MPDZ: variants seen among roughly 807,000 people sequenced by gnomAD.
MPDZ encodes the protein multiple PDZ domain protein.
A neutral mutation model predicts 239.1 loss-of-function variants in MPDZ; 234 were observed. The ratio of observed to expected loss-of-function variants is 0.98; its 90% CI spans 0.88 to 1.09. The LOEUF (loss-of-function observed/expected upper bound fraction) is 1.09, where lower values mean the gene tolerates loss of function less well. Ranked by LOEUF, MPDZ falls within the 50% of genes least tolerant of loss-of-function variation. The pLI, the probability that MPDZ is intolerant of heterozygous loss-of-function variation, is 0.00. For missense variants in MPDZ, 3,175 were observed against 2,510.0 expected, an observed-to-expected ratio of 1.26 and a Z score of -5.66; for synonymous variants, 1,048 against 881.3, an observed-to-expected ratio of 1.19 and a Z score of -3.35.
rs1010984937 is a variant in MPDZ, at chr9:13,159,218, A to G, written c.3360-1108T>C. The stretch of plus-strand genomic sequence containing the variant: ...GGCAAGCAAATGTCCAGGCTCTCCA[A>G]GAACATCTCATTCTTTCTTGGACCT... On this transcript the variant is annotated intron_variant, in intron 23 of 46. Transcript: ENST00000319217. 2.0e-5 allele frequency among the ~76,000 whole-genome samples: 3 copies of G among 152,302 alleles called. No homozygotes were observed. The South Asian group carries it at 6.2e-4, about 32-fold the overall frequency.
chr9:13,242,743 A>G (rs1965726414), intron 3 of MPDZ, among the ~76,000 whole-genome samples: 1 of 152,188 alleles, frequency 6.6e-6, no homozygotes, highest in Non-Finnish European at 1.5e-5. Flanking sequence ...CTGCTCTGAT[A>G]ATATAGGTCT....
At chr9:13,139,490 A>G (rs1243671539) in intron 28 of MPDZ, among the ~76,000 whole-genome samples, 2 of 152,212 alleles carry the variant, frequency 1.3e-5, no homozygotes, top group Admixed American at 1.3e-4. Context: ...CATTTTAAAA[A>G]GAGAGATAAC....
intron 19 of MPDZ, among the ~76,000 whole-genome samples, chr9:13,182,504 T>C (rs1377367232): frequency 1.3e-5 from 2 of 152,076 alleles, no homozygotes; most frequent in South Asian, 2.1e-4. Context: ...TACACACATG[T>C]ACATAGATAT....
chr9:13,108,822 G>A, intron 46 of MPDZ, 114 bp downstream of exon 46: 1 of 1,032,646 alleles, frequency 9.7e-7, no homozygotes, highest in Non-Finnish European at 1.3e-6. Flanking sequence ...GAAAAGAAAT[G>A]ATCAACTGTT....
At chr9:13,232,678 A>T (rs1357724823) in intron 3 of MPDZ, among the ~76,000 whole-genome samples, 1 of 151,856 alleles carries the variant, frequency 6.6e-6, no homozygotes, top group Non-Finnish European at 1.5e-5. Context: ...TAAAATTTAA[A>T]ATTTGTTTTT....
At chr9:13,221,594 T>C in intron 6 of MPDZ, 94 bp from the exon 7 acceptor site, 1 of 1,277,630 alleles carries the variant, frequency 7.8e-7, no homozygotes. Context: ...TTTGTTAATA[T>C]TAAATAATTA....
chr9:13,259,487 A>C lies in MPDZ; in HGVS notation c.-57-9115T>G, dbSNP rs968125226. On this transcript the variant is annotated intron_variant, in intron 1 of 46. Coordinates refer to ENST00000319217, the MANE Select transcript of MPDZ (RefSeq NM_001378778.1). The stretch of plus-strand genomic sequence containing the variant: ...GCAGCATTGGAGAAATGATGATACA[A>C]CCTGGGAACTCACGTACAAGTGAAT... 4.6e-5 allele frequency among the ~76,000 whole-genome samples: 7 copies of C among 152,220 alleles called. 1 individual carries two copies. Among genetic ancestry groups the C allele is most frequent in the Non-Finnish European group, 1.0e-4 (7 of 68,036 alleles).
intron 45 of MPDZ, among the ~76,000 whole-genome samples, chr9:13,109,681 T>G (rs1282628292): frequency 5.3e-5 from 8 of 152,162 alleles, no homozygotes; most frequent in African/African-American, 1.9e-4. Flanking sequence ...TAAAATGTCC[T>G]CCGCCCCAAA....
At chr9:13,221,623 A>G in intron 6 of MPDZ, 123 bp from the exon 7 acceptor site, 1 of 974,522 alleles carries the variant, frequency 1.0e-6, no homozygotes. Flanking sequence ...CATAATAATG[A>G]GTCCTAACAA....
At chr9:13,214,105 T>C (rs1485360303) in intron 10 of MPDZ, among the ~76,000 whole-genome samples, 1 of 151,942 alleles carries the variant, frequency 6.6e-6, no homozygotes, top group Non-Finnish European at 1.5e-5. Context: ...TATATGTACA[T>C]AAAAGCTTGT....
intron 21 of MPDZ, among the ~76,000 whole-genome samples, chr9:13,169,062 C>T (rs1951456957): frequency 6.6e-6 from 1 of 152,064 alleles, no homozygotes; most frequent in South Asian, 2.1e-4. Flanking sequence ...ATGTTGGTTG[C>T]TTAGGATAAC....
chr9:13,107,951 G>C (rs1663925827), intron 46 of MPDZ, among the ~76,000 whole-genome samples: 1 of 152,064 alleles, frequency 6.6e-6, no homozygotes, highest in African/African-American at 2.4e-5. Flanking sequence ...CTATTCACTA[G>C]CAAATGCTGT....
In MPDZ at chr9:13,222,234, G is replaced by A. The variant is rs761154587; in HGVS notation, c.746C>T (p.Pro249Leu). The A allele has an allele frequency of 6.8e-6, 11 of 1,611,592 alleles. No homozygotes were observed. Among genetic ancestry groups the A allele is most frequent in the Admixed American group, 1.7e-5 (1 of 59,800 alleles). The part of the protein sequence containing the change: ...AASTISAHSN[P>L]VHWQHMETIE... ...CTTTTGAAAATTTTAGGTACTCACC[G>A]GATTAGAGTGAGCTGAAATTGTGCT... Residue 249 changes from proline (P) to leucine (L), a missense_variant and splice_region_variant, in exon 6 of 47, where the codon CCG becomes CTG. Physicochemically the swap from Pro to Leu is moderately conservative, Grantham distance 98 (BLOSUM62 -3). Coordinates refer to ENST00000319217, the MANE Select transcript of MPDZ (RefSeq NM_001378778.1).
intron 12 of MPDZ, among the ~76,000 whole-genome samples, chr9:13,201,338 C>G (rs902551685): frequency 6.6e-6 from 1 of 151,142 alleles, no homozygotes; most frequent in African/African-American, 2.4e-5. Context: ...TTTCTTTTCT[C>G]TTGATGCTTT....
intron 36 of MPDZ, 95 bp from the exon 37 acceptor site, chr9:13,122,265 G>A (rs1429900218): frequency 9.3e-7 from 1 of 1,076,384 alleles, no homozygotes; most frequent in Non-Finnish European, 1.4e-6. Flanking sequence ...TTGATAGACA[G>A]CAATAAGGGT....
chr9:13,216,259 G>A (rs1003887100), intron 10 of MPDZ, among the ~76,000 whole-genome samples: 2 of 150,184 alleles, frequency 1.3e-5, no homozygotes, highest in African/African-American at 2.4e-5. Flanking sequence ...ATGTTACAAC[G>A]ATAACAATGA....
At chr9:13,278,742 G>T (rs1011958967) in intron 1 of MPDZ, among the ~76,000 whole-genome samples, 1 of 152,090 alleles carries the variant, frequency 6.6e-6, no homozygotes, top group African/African-American at 2.4e-5. Context: ...AGGGGTGAGG[G>T]ACGGGGCACC....
chr9:13,192,359 A>T, intron 14 of MPDZ, 64 bp from the exon 15 acceptor site: 1 of 1,392,274 alleles, frequency 7.2e-7, no homozygotes, highest in Non-Finnish European at 9.8e-7. Context: ...TTTTGAACAC[A>T]ATTTTTTTAT....
intron 1 of MPDZ, among the ~76,000 whole-genome samples, chr9:13,263,524 TAAAGG>T (rs1246339811): frequency 6.6e-6 from 1 of 152,074 alleles, no homozygotes; most frequent in African/African-American, 2.4e-5. Context: ...CCAGCAAAAC[TAAAGG>T]AAATATTATG....
Sources: allele counts gnomAD v4.1 joint callset (sites outside exome capture counted in the v4.1 genomes callset), GRCh38; gene constraint gnomAD v4.1.1; transcripts MANE v1.5; gene names NCBI Gene and HGNC (gene_info 2026-07-23, HGNC 2026-07-21).